The following TFEB variants were observed in gnomAD, a reference collection of about 807,000 sequenced individuals.
TFEB encodes the protein T-cell transcription factor EB.
Under a neutral mutation model 48.0 loss-of-function variants are expected in TFEB, and 12 were observed. That is an observed-to-expected ratio of 0.25 (90% CI 0.16 to 0.40). The LOEUF (loss-of-function observed/expected upper bound fraction) is 0.40. Among genes scored for constraint, TFEB ranks in the 10% least tolerant of loss-of-function variants. The pLI, the probability that TFEB is intolerant of heterozygous loss-of-function variation, is 1.00. For synonymous variants in TFEB, 244 were observed against 261.4 expected (o/e 0.93, Z 0.64); for missense variants, 509 against 640.3 (o/e 0.79, Z 2.21).
intron 4 of TFEB, 29 bp from the exon 5 acceptor site, chr6:41,688,057 T>C: frequency 6.3e-7 from 1 of 1,595,496 alleles, no homozygotes. Flanking sequence ...GGGAGACCCA[T>C]GAGTATCCCC....
intron 3 of TFEB, among the ~76,000 whole-genome samples, chr6:41,690,283 A>G (rs1769229884): frequency 1.3e-5 from 2 of 151,750 alleles, no homozygotes; most frequent in Admixed American, 1.3e-4. Flanking sequence ...GGCGTGCACC[A>G]CCACGCCCAG....
At position 41,684,463 on chromosome 6, in the gene TFEB, G is replaced by C; in HGVS notation, c.*136C>G. The C allele has an allele frequency of 8.6e-7, 1 of 1,163,432 alleles. No homozygotes were observed. Among genetic ancestry groups the C allele is most frequent in the South Asian group, 2.0e-5 (1 of 50,030 alleles). The allele number at this position is 1,163,432 out of a possible 1,614,324, so 72.1% of individuals were successfully genotyped here. On this transcript the variant is annotated 3_prime_UTR_variant, in exon 9 of 9. Coordinates refer to ENST00000373033, the MANE Select transcript of TFEB (RefSeq NM_001271944.2). ...GCCAGACAGGCACTAAGTCCAAACA[G>C]GGGCCAACGGGGAGGAGGGAGGCAG... is the stretch of plus-strand genomic sequence containing the variant.
intron 1 of TFEB, among the ~76,000 whole-genome samples, chr6:41,721,309 T>C (rs902626393): frequency 6.6e-6 from 1 of 151,976 alleles, no homozygotes; most frequent in African/African-American, 2.4e-5. Context: ...TCTAATGCAG[T>C]GGCACCAAAG....
chr6:41,696,599 C>T (rs1332525978), intron 1 of TFEB, among the ~76,000 whole-genome samples: 2 of 152,054 alleles, frequency 1.3e-5, no homozygotes, highest in Non-Finnish European at 2.9e-5. Context: ...GAGGCTGAGA[C>T]AGAAGAATCG....
intron 4 of TFEB, among the ~76,000 whole-genome samples, chr6:41,688,775 C>T (rs1321622135): frequency 6.6e-6 from 1 of 152,192 alleles, no homozygotes; most frequent in Non-Finnish European, 1.5e-5. Flanking sequence ...CCAACCAGTC[C>T]CGGCCAGCTC....
chr6:41,728,263 C>T (rs1268010076), intron 1 of TFEB, among the ~76,000 whole-genome samples: 1 of 152,216 alleles, frequency 6.6e-6, no homozygotes, highest in Non-Finnish European at 1.5e-5. Flanking sequence ...CAGCCCAGTG[C>T]CAGGTACCTC....
At chr6:41,693,006 C>G (rs1301064321) in intron 1 of TFEB, among the ~76,000 whole-genome samples, 2 of 152,154 alleles carry the variant, frequency 1.3e-5, no homozygotes, top group African/African-American at 2.4e-5. Flanking sequence ...GATTGGAGCA[C>G]TATATGAAAT....
intron 1 of TFEB, among the ~76,000 whole-genome samples, chr6:41,694,782 T>C (rs1042850569): frequency 6.6e-6 from 1 of 152,034 alleles, no homozygotes; most frequent in East Asian, 1.9e-4. Flanking sequence ...GTGTACAGGT[T>C]CAGTAACACT....
intron 1 of TFEB, among the ~76,000 whole-genome samples, chr6:41,714,160 CGTGTGCATGTGTGCGT>C (rs1770619473): frequency 7.4e-6 from 1 of 134,782 alleles, no homozygotes; most frequent in African/African-American, 3.3e-5. Flanking sequence ...CATGTGCATG[CGTGTGCATGTGTGCGT>C]GTGTGTGCAT....
In TFEB at chr6:41,735,580, C is replaced by A. The variant is rs1192052734; in HGVS notation, c.-253G>T. 3.0e-6 allele frequency: 3 copies of A among 983,942 alleles called. No individual in the cohort carries two copies. The highest frequency in any genetic ancestry group is 1.1e-4 in the East Asian group (1 of 8,746). 61.0% of individuals were successfully genotyped at this position (983,942 alleles called of 1,614,324 possible). A position where few individuals can be genotyped will look rare whatever the true frequency, so the allele number is the denominator to read the frequency against. On this transcript the variant is annotated 5_prime_UTR_variant, in exon 1 of 9. Coordinates refer to ENST00000373033, the MANE Select transcript of TFEB (RefSeq NM_001271944.2). Reference sequence around the variant, plus strand: ...CTCCGCTGTCACCGAGCCCCGCGCCCGGCGCCCGGGCTCCGGCTGTCACTC... The same window carrying A: ...CTCCGCTGTCACCGAGCCCCGCGCCAGGCGCCCGGGCTCCGGCTGTCACTC...
Position 41,689,793 on chromosome 6 carries a change from T to C in TFEB, c.487A>G (p.Asn163Asp), listed in dbSNP as rs1188640179. 6.2e-7 allele frequency: 1 copy of C among 1,614,042 alleles called. No individual in the cohort carries two copies. The highest frequency in any genetic ancestry group is 1.7e-5 in the Admixed American group (1 of 60,004). ...PERELDDVIDNIMRLDDVLGY... is the reference protein window; with the variant it reads ...PERELDDVIDDIMRLDDVLGY... ...AGGACATCGTCCAGACGCATAATGT[T>C]GTCAATGACATCATCCAACTGGAAA... The change falls in exon 4 of 9, where the codon AAC becomes GAC. Residue 163 changes from asparagine to aspartate, a missense_variant. By Grantham distance (23) the Asn-to-Asp change is conservative. Transcript: ENST00000373033.
rs568449854 is a variant in TFEB at position 41,720,840 on chromosome 6, A to T, written c.-23+14510T>A. The stretch of plus-strand genomic sequence containing the variant: ...ATATAATTATTCCATCATATATTAC[A>T]ATGTAATAATCATAGAAATAAAGTA... On this transcript the variant is annotated intron_variant, in intron 1 of 8. Coordinates refer to ENST00000373033, the MANE Select transcript of TFEB (RefSeq NM_001271944.2). The surrounding 1 kb of genome is among the most constrained non-coding windows in gnomAD (Gnocchi z 4.1). 1.3e-5 allele frequency among the ~76,000 whole-genome samples: 2 copies of T among 152,286 alleles called. No individual in the cohort carries two copies. The highest frequency in any genetic ancestry group is 4.1e-4 in the South Asian group (2 of 4,828).
At chr6:41,685,176 T>C in intron 8 of TFEB, 98 bp from the exon 9 acceptor site, 1 of 1,327,630 alleles carries the variant, frequency 7.5e-7, no homozygotes. Flanking sequence ...GCCCCTGCCC[T>C]ACGGCACCCA....
intron 1 of TFEB, among the ~76,000 whole-genome samples, chr6:41,714,201 G>A (rs1373213041): frequency 4.0e-5 from 6 of 151,472 alleles, no homozygotes; most frequent in Middle Eastern, 3.4e-3. Flanking sequence ...ATGCATGTGC[G>A]TGCATGTGCG....
At chr6:41,721,029 C>G (rs1770956638) in intron 1 of TFEB, among the ~76,000 whole-genome samples, 1 of 152,046 alleles carries the variant, frequency 6.6e-6, no homozygotes, top group Non-Finnish European at 1.5e-5. Flanking sequence ...GCCCCAGCCC[C>G]CAGGACCCAG....
rs773749768 is a variant in TFEB, at chr6:41,684,934, C to T, written c.1096G>A (p.Val366Ile). 4 of 1,586,444 alleles carry T rather than the reference C, an allele frequency of 2.5e-6. No homozygotes were observed. The highest frequency in any genetic ancestry group is 2.6e-6 in the Non-Finnish European group (3 of 1,166,534). Residue 366 changes from valine to isoleucine, a missense_variant, in exon 9 of 9, where the codon GTC becomes ATC. Val to Ile is a conservative substitution (Grantham distance 29, BLOSUM62 3). This residue lies in a region of TFEB where 168 missense variants were observed against 161.0 expected (regional missense o/e 1.04). Coordinates refer to ENST00000373033, the MANE Select transcript of TFEB (RefSeq NM_001271944.2). ...GCTGGCAGTGGCTCAGGGTCAGGGA[C>T]CTCAGCCCCCAGCATCAGGGCCTCC... The part of the protein sequence containing the change: ...PGEALMLGAE[V>I]PDPEPLPALP...
At chr6:41,721,508 A>G (rs1213006597) in intron 1 of TFEB, among the ~76,000 whole-genome samples, 1 of 152,056 alleles carries the variant, frequency 6.6e-6, no homozygotes, top group African/African-American at 2.4e-5. Flanking sequence ...AGACCCACCA[A>G]ACTGATTTCA....
chr6:41,719,514 G>C (rs28360641), intron 1 of TFEB, among the ~76,000 whole-genome samples: 17,055 of 152,106 alleles, frequency 0.11, 1,134 homozygotes, highest in Admixed American at 0.17. Context: ...CAACCCTATT[G>C]AGAGGAGCAA....
At chr6:41,689,446 C>T (rs908479723) in intron 4 of TFEB, among the ~76,000 whole-genome samples, 2 of 152,214 alleles carry the variant, frequency 1.3e-5, no homozygotes, top group African/African-American at 2.4e-5. Context: ...TCTGCCCCTT[C>T]GCCAACCTGG....
Sources: allele counts gnomAD v4.1 joint callset (sites outside exome capture counted in the v4.1 genomes callset), GRCh38; gene constraint gnomAD v4.1.1; regional missense constraint gnomAD v4.1.1; non-coding constraint Gnocchi (gnomAD v3.1); transcripts MANE v1.5; gene names NCBI Gene and HGNC (gene_info 2026-07-23, HGNC 2026-07-21).